The following HK1 variants were observed in gnomAD, a reference collection of about 807,000 sequenced individuals.
HK1 encodes the protein hexokinase 1.
Under a neutral mutation model 91.6 loss-of-function variants are expected in HK1, and 28 were observed. The ratio of observed to expected loss-of-function variants is 0.31; its 90% CI spans 0.23 to 0.42. The LOEUF is 0.42. Among genes scored for constraint, HK1 ranks in the 10% least tolerant of loss-of-function variants. The probability of loss-of-function intolerance (pLI) is 1.00; values close to 1 mark genes in which losing one functional copy is unlikely to be tolerated. For synonymous variants in HK1, 430 were observed against 468.1 expected (o/e 0.92, Z 1.05); for missense variants, 770 against 1,219.8 (o/e 0.63, Z 5.49).
At chr10:69,342,658 G>A (rs551698992) in intron 1 of HK1, among the ~76,000 whole-genome samples, 2 of 152,186 alleles carry the variant, frequency 1.3e-5, no homozygotes, top group Admixed American at 1.3e-4. Context: ...ACTTTAAGAG[G>A]CTGATGCTGC....
rs559370966 is a variant in HK1, at chr10:69,277,200, G to C, written c.-390-5329G>C. Among the ~76,000 whole-genome samples, 250 of 152,124 alleles carry C rather than the reference G, an allele frequency of 1.6e-3. 1 individual carries two copies. The highest frequency in any genetic ancestry group is 5.9e-3 in the African/African-American group (244 of 41,518). The stretch of plus-strand genomic sequence containing the variant: ...TACCTTATTCTTTTCTTGCATCATT[G>C]GTTGCAAGTCTAATGCCAATCTGGT... On this transcript the variant is annotated intron_variant, in intron 1 of 21. Transcript: ENST00000360289.
At position 69,389,187 on chromosome 10, in the gene HK1, C is replaced by G; in HGVS notation, c.1936-10C>G. 6.2e-7 allele frequency: 1 copy of G among 1,609,744 alleles called. No individual in the cohort carries two copies. The highest frequency in any genetic ancestry group is 8.5e-7 in the Non-Finnish European group (1 of 1,176,132). On this transcript the variant is annotated splice_polypyrimidine_tract_variant and intron_variant, in intron 13 of 17. Coordinates refer to ENST00000359426, the MANE Select transcript of HK1 (RefSeq NM_000188.3). The stretch of plus-strand genomic sequence containing the variant: ...CCTATTCCTAAAGCTGTGTCCCTTT[C>G]TTTGCAAAGGAATTTGACCTGGACG...
chr10:69,399,407 G>A (rs1442178178), intron 17 of HK1, among the ~76,000 whole-genome samples: 1 of 152,174 alleles, frequency 6.6e-6, no homozygotes, highest in Non-Finnish European at 1.5e-5. Flanking sequence ...AGCTACTCGG[G>A]AGGCTGAGGG....
At position 69,331,131 on chromosome 10, in the gene HK1, C is replaced by T. The variant is rs2089357; in HGVS notation, c.63+12121C>T. Among the ~76,000 whole-genome samples the T allele has an allele frequency of 8.9e-3, 1,362 of 152,320 alleles. 9 individuals are homozygous for T. The highest frequency in any genetic ancestry group is 0.013 in the Non-Finnish European group (867 of 68,008). ...CTGGCCTCAAGTGATCTGCCCGCCTCGGCCTCCCAAAGTGCTGGGATCACA... is the reference window on the plus strand; with the variant it reads ...CTGGCCTCAAGTGATCTGCCCGCCTTGGCCTCCCAAAGTGCTGGGATCACA... On this transcript the variant is annotated intron_variant, in intron 1 of 17. Coordinates refer to ENST00000359426, the MANE Select transcript of HK1 (RefSeq NM_000188.3).
At chr10:69,359,367 G>A (rs1186963727) in intron 2 of HK1, among the ~76,000 whole-genome samples, 1 of 152,134 alleles carries the variant, frequency 6.6e-6, no homozygotes, top group African/African-American at 2.4e-5. Flanking sequence ...CCTGAAAATG[G>A]TTGCAGTGGT....
intron 16 of HK1, among the ~76,000 whole-genome samples, chr10:69,396,962 G>A (rs903383601): frequency 9.9e-5 from 15 of 152,184 alleles, no homozygotes; most frequent in African/African-American, 3.6e-4. Flanking sequence ...TGGGATTACA[G>A]GCATGAGCCA....
At chr10:69,313,979 G>A (rs892959670), upstream of HK1, among the ~76,000 whole-genome samples, 7 of 152,134 alleles carry the variant, frequency 4.6e-5, no homozygotes, top group African/African-American at 1.7e-4. Flanking sequence ...GAGGCAGACT[G>A]AGAATGTGAT....
intron 1 of HK1, among the ~76,000 whole-genome samples, chr10:69,275,965 C>T (rs1844415885): frequency 6.6e-6 from 1 of 150,686 alleles, no homozygotes; most frequent in South Asian, 2.1e-4. Context: ...TGCCAGGTGC[C>T]TGCAATCCCA....
intron 15 of HK1, among the ~76,000 whole-genome samples, chr10:69,394,488 G>A (rs1840048072): frequency 6.6e-6 from 1 of 152,170 alleles, no homozygotes; most frequent in African/African-American, 2.4e-5. Context: ...GCTGTGCCCT[G>A]GGGACTCAGA....
chr10:69,391,048 T>G lies in HK1; in HGVS notation c.2036-1077T>G, dbSNP rs189266300. Among the ~76,000 whole-genome samples the G allele has an allele frequency of 2.6e-5, 4 of 152,330 alleles. No homozygotes were observed. The East Asian group carries it at 7.7e-4, about 29-fold the overall frequency. On this transcript the variant is annotated intron_variant, in intron 14 of 17. Coordinates refer to ENST00000359426, the MANE Select transcript of HK1 (RefSeq NM_000188.3). Reference sequence around the variant, plus strand: ...CAAACAGTCGGTGGTCCTTCTATTTTGAGTGACTCTGCTCTAGGGAGTTCA... The same window carrying G: ...CAAACAGTCGGTGGTCCTTCTATTTGGAGTGACTCTGCTCTAGGGAGTTCA...
intron 5 of HK1, among the ~76,000 whole-genome samples, chr10:69,309,733 G>A (rs992685458): frequency 2.0e-5 from 3 of 151,124 alleles, no homozygotes; most frequent in Admixed American, 1.3e-4. Flanking sequence ...CCCGGGAGGC[G>A]GAAGTTGCAG....
intron 5 of HK1, among the ~76,000 whole-genome samples, chr10:69,305,051 G>C (rs886265699): frequency 6.6e-6 from 1 of 152,122 alleles, no homozygotes; most frequent in African/African-American, 2.4e-5. Flanking sequence ...CTGCATCTTT[G>C]TATGGTCATC....
At chr10:69,299,185 G>A (rs1450118539) in intron 4 of HK1, among the ~76,000 whole-genome samples, 14 of 151,102 alleles carry the variant, frequency 9.3e-5, no homozygotes, top group African/African-American at 3.4e-4. Flanking sequence ...TAAGTGTGTT[G>A]TTGTTGAAAC....
In HK1 at chr10:69,401,730, T is replaced by G. The variant is rs1442396104; in HGVS notation, c.*595T>G. On this transcript the variant is annotated 3_prime_UTR_variant, in exon 18 of 18. Transcript: ENST00000359426. ...CGCGTGTGACAGTCTTGCATTCTGT[T>G]TGTCTCGTGGGGGGAGGTGGACAGT... 1 of 200,944 alleles carries G rather than the reference T, an allele frequency of 5.0e-6. No homozygotes were observed. Among genetic ancestry groups the G allele is most frequent in the Non-Finnish European group, 1.1e-5 (1 of 94,652 alleles). 12.4% of individuals were successfully genotyped at this position (200,944 alleles called of 1,614,324 possible).
chr10:69,277,618 T>C (rs947281758), intron 1 of HK1, among the ~76,000 whole-genome samples: 1 of 152,210 alleles, frequency 6.6e-6, no homozygotes, highest in Non-Finnish European at 1.5e-5. Flanking sequence ...TTTATCTAGC[T>C]TTTTTCATTT....
At chr10:69,312,091 A>G (rs1034994337), upstream of HK1, among the ~76,000 whole-genome samples, 7 of 152,206 alleles carry the variant, frequency 4.6e-5, no homozygotes, top group African/African-American at 1.4e-4. Context: ...TGCAGGGTGG[A>G]AGGAAAACTT....
intron 1 of HK1, among the ~76,000 whole-genome samples, chr10:69,327,294 A>G (rs931880515): frequency 1.3e-5 from 2 of 152,118 alleles, no homozygotes; most frequent in Non-Finnish European, 2.9e-5. Flanking sequence ...ACACTCAGCC[A>G]GTTTTAAACT....
intron 5 of HK1, among the ~76,000 whole-genome samples, chr10:69,310,116 T>TAA (rs376737962): frequency 3.8e-5 from 4 of 103,968 alleles, no homozygotes; most frequent in Admixed American, 1.1e-4. Context: ...AAACTCCATC[T>TAA]AAAAAAAAAA....
intron 4 of HK1, among the ~76,000 whole-genome samples, 169 bp from the exon 5 acceptor site, chr10:69,368,367 C>G (rs1005846495): frequency 6.6e-6 from 1 of 152,174 alleles, no homozygotes; most frequent in African/African-American, 2.4e-5. Context: ...TGTGGATGAT[C>G]GGGAGATGGA....
Sources: allele counts gnomAD v4.1 joint callset (sites outside exome capture counted in the v4.1 genomes callset), GRCh38; gene constraint gnomAD v4.1.1; transcripts MANE v1.5; gene names NCBI Gene and HGNC (gene_info 2026-07-23, HGNC 2026-07-21).